Variants in HMBOX1 observed in about 807,000 individuals in gnomAD.
HMBOX1 encodes the protein homeobox-containing protein 1.
A neutral mutation model predicts 54.5 loss-of-function variants in HMBOX1; 14 were observed. That is an observed-to-expected ratio of 0.26 (90% confidence interval 0.17 to 0.40). The LOEUF (loss-of-function observed/expected upper bound fraction) is 0.40. Ranked by LOEUF, HMBOX1 falls within the 10% of genes least tolerant of loss-of-function variation. The pLI is 1.00. For missense variants in HMBOX1, 332 were observed against 514.4 expected (o/e 0.65, Z 3.43); for synonymous variants, 160 against 181.0 (o/e 0.88, Z 0.93).
chr8:28,974,523 T>G (rs1008448136), intron 3 of HMBOX1, among the ~76,000 whole-genome samples: 1 of 152,180 alleles, frequency 6.6e-6, no homozygotes, highest in Non-Finnish European at 1.5e-5. Flanking sequence ...TGTACTAAAT[T>G]TTATGATATG....
At chr8:29,004,857 T>C (rs1833196810) in intron 4 of HMBOX1, among the ~76,000 whole-genome samples, 1 of 152,118 alleles carries the variant, frequency 6.6e-6, no homozygotes, top group Admixed American at 6.5e-5. Context: ...TATGAGACCG[T>C]GTTCAGCTGA....
chr8:28,943,256 A>G (rs966713174), intron 1 of HMBOX1, among the ~76,000 whole-genome samples: 8 of 152,260 alleles, frequency 5.3e-5, no homozygotes, highest in Non-Finnish European at 8.8e-5. Context: ...AATAATTTAC[A>G]TGTACATGGG....
intron 4 of HMBOX1, among the ~76,000 whole-genome samples, 163 bp downstream of exon 4, chr8:28,980,319 G>A (rs1446961045): frequency 6.6e-6 from 1 of 152,120 alleles, no homozygotes; most frequent in Non-Finnish European, 1.5e-5. Context: ...CAATATCGCC[G>A]AACTTCTCTA....
intron 4 of HMBOX1, among the ~76,000 whole-genome samples, chr8:28,989,288 G>T (rs1830614200): frequency 6.6e-6 from 1 of 151,242 alleles, no homozygotes; most frequent in African/African-American, 2.4e-5. Flanking sequence ...AAAAAAAAAA[G>T]AAAATTTTGC....
chr8:28,954,293 A>G (rs1824014774), intron 1 of HMBOX1, among the ~76,000 whole-genome samples: 1 of 152,104 alleles, frequency 6.6e-6, no homozygotes. Context: ...GCAGCTTTAG[A>G]AGGGGCTCTG....
At chr8:28,924,076 A>G (rs1006608785) in intron 1 of HMBOX1, among the ~76,000 whole-genome samples, 6 of 148,770 alleles carry the variant, frequency 4.0e-5, no homozygotes, top group Non-Finnish European at 4.5e-5. Context: ...TTTTTGTCTC[A>G]TTAGAGTGGC....
At chr8:28,893,404 A>T (rs1811429918) in intron 1 of HMBOX1, among the ~76,000 whole-genome samples, 1 of 152,202 alleles carries the variant, frequency 6.6e-6, no homozygotes, top group Non-Finnish European at 1.5e-5. Context: ...GATTGCTTCT[A>T]AAGATGTTGC....
intron 1 of HMBOX1, among the ~76,000 whole-genome samples, chr8:28,930,433 G>A (rs1190433188): frequency 6.6e-6 from 1 of 152,096 alleles, no homozygotes; most frequent in Non-Finnish European, 1.5e-5. Context: ...TTCCATCTTA[G>A]ACGTGTAGAT....
chr8:28,999,234 G>T (rs769962083), intron 4 of HMBOX1, among the ~76,000 whole-genome samples: 2 of 151,992 alleles, frequency 1.3e-5, no homozygotes, highest in Non-Finnish European at 2.9e-5. Flanking sequence ...CCTTCCCATG[G>T]TTTCTGATGA....
intron 6 of HMBOX1, among the ~76,000 whole-genome samples, chr8:29,044,260 G>C (rs1872923): frequency 0.41 from 61,909 of 151,958 alleles, 14,624 homozygotes; most frequent in Non-Finnish European, 0.53. Flanking sequence ...TGGATTACAG[G>C]GAAAGGGAAA....
intron 6 of HMBOX1, among the ~76,000 whole-genome samples, chr8:29,041,818 T>TG (rs1272610591): frequency 1.2e-4 from 18 of 151,700 alleles, no homozygotes; most frequent in African/African-American, 3.4e-4. Context: ...AGAGGTTGTT[T>TG]GCGGGGGGAC....
At chr8:29,002,195 T>C (rs1832765483) in intron 4 of HMBOX1, among the ~76,000 whole-genome samples, 1 of 152,190 alleles carries the variant, frequency 6.6e-6, no homozygotes, top group Non-Finnish European at 1.5e-5. Flanking sequence ...CATTGGCTGT[T>C]AGCAGAATGT....
intron 4 of HMBOX1, among the ~76,000 whole-genome samples, chr8:28,989,515 A>C (rs1830670684): frequency 6.6e-6 from 1 of 152,116 alleles, no homozygotes; most frequent in Non-Finnish European, 1.5e-5. Flanking sequence ...GTGGAAACTC[A>C]GTTGGACATG....
At chr8:29,001,689 T>C (rs1832691913) in intron 4 of HMBOX1, among the ~76,000 whole-genome samples, 1 of 152,220 alleles carries the variant, frequency 6.6e-6, no homozygotes, top group Non-Finnish European at 1.5e-5. Context: ...ATCATGTACA[T>C]TTATCACATG....
chr8:28,943,656 C>G (rs979903070), intron 1 of HMBOX1, among the ~76,000 whole-genome samples: 1 of 152,152 alleles, frequency 6.6e-6, no homozygotes, highest in African/African-American at 2.4e-5. Context: ...GTGGCATGCT[C>G]TGAACCCTGT....
intron 1 of HMBOX1, among the ~76,000 whole-genome samples, chr8:28,920,178 C>T (rs974963799): frequency 1.3e-5 from 2 of 152,096 alleles, no homozygotes; most frequent in African/African-American, 2.4e-5. Context: ...TATTTATATT[C>T]GTTGTTTCTT....
intron 1 of HMBOX1, among the ~76,000 whole-genome samples, chr8:28,913,712 G>A (rs1202328368): frequency 2.0e-5 from 3 of 152,040 alleles, no homozygotes; most frequent in African/African-American, 4.8e-5. Flanking sequence ...GCTTAGTAAC[G>A]TCTGCTAAGT....
At chr8:28,968,046 A>G (rs1352666321) in intron 2 of HMBOX1, among the ~76,000 whole-genome samples, 1 of 152,266 alleles carries the variant, frequency 6.6e-6, no homozygotes, top group Non-Finnish European at 1.5e-5. Context: ...AGATAAAACA[A>G]TCAGTGAAAT....
chr8:29,026,576 T>C (rs1384203442), intron 6 of HMBOX1, among the ~76,000 whole-genome samples: 3 of 152,212 alleles, frequency 2.0e-5, no homozygotes, highest in Non-Finnish European at 4.4e-5. Flanking sequence ...GTTAGAAGCT[T>C]CACATATACT....
Sources: gnomAD v4.1 joint callset for allele counts (sites outside exome capture counted in the v4.1 genomes callset) on GRCh38, gnomAD v4.1.1 for gene constraint, MANE v1.5 for transcripts, NCBI Gene and HGNC (gene_info 2026-07-23, HGNC 2026-07-21) for gene names.